Variants in NCALD observed in about 807,000 individuals in gnomAD.
NCALD encodes neurocalcin delta, also known as neurocalcin-delta.
In NCALD, 10 loss-of-function variants were observed where a neutral mutation model predicts 18.6. That is an observed-to-expected ratio of 0.54 (90% CI 0.33 to 0.91). The LOEUF (loss-of-function observed/expected upper bound fraction) is 0.91. NCALD is among the 40% of genes least tolerant of loss of function. NCALD has a pLI of 0.03. For missense variants in NCALD, 184 were observed against 247.6 expected, an observed-to-expected ratio of 0.74 and a Z score of 1.72; for synonymous variants, 88 against 87.4, an observed-to-expected ratio of 1.01 and a Z score of -0.04.
At chr8:101,695,462 T>C (rs1255485588) in intron 2 of NCALD, among the ~76,000 whole-genome samples, 2 of 152,168 alleles carry the variant, frequency 1.3e-5, no homozygotes, top group Admixed American at 6.5e-5. Context: ...CCACAAAGGC[T>C]GTTGTCAAGA....
intron 4 of NCALD, among the ~76,000 whole-genome samples, chr8:101,846,555 G>A (rs970437044): frequency 6.6e-6 from 1 of 152,078 alleles, no homozygotes; most frequent in African/African-American, 2.4e-5. Flanking sequence ...AGCTCTATTT[G>A]GGTGAACTTA....
At chr8:101,990,498 G>C (rs889649461) in intron 2 of NCALD, among the ~76,000 whole-genome samples, 2 of 152,204 alleles carry the variant, frequency 1.3e-5, no homozygotes, top group African/African-American at 4.8e-5. Context: ...CTCATGTGTT[G>C]TCGGGGGGAC....
chr8:101,785,253 C>T (rs1392989869), intron 1 of NCALD, among the ~76,000 whole-genome samples: 1 of 152,158 alleles, frequency 6.6e-6, no homozygotes, highest in Non-Finnish European at 1.5e-5. Flanking sequence ...CCAATTCTGA[C>T]GGATTCTTCC....
chr8:101,913,285 A>G (rs1323545187), intron 3 of NCALD, among the ~76,000 whole-genome samples: 1 of 152,160 alleles, frequency 6.6e-6, no homozygotes, highest in African/African-American at 2.4e-5. Context: ...AATAACAGCC[A>G]TTCTTGAAAA....
chr8:101,695,007 C>T (rs576764777), intron 2 of NCALD, among the ~76,000 whole-genome samples: 7 of 152,248 alleles, frequency 4.6e-5, no homozygotes, highest in Non-Finnish European at 7.4e-5. Flanking sequence ...GGAAGCTTTT[C>T]GTAACTCTTG....
intron 1 of NCALD, among the ~76,000 whole-genome samples, chr8:101,737,529 T>A (rs1809981040): frequency 6.6e-6 from 1 of 152,204 alleles, no homozygotes; most frequent in African/African-American, 2.4e-5. Context: ...CACCCCAACC[T>A]GATTGGAGTC....
intron 1 of NCALD, among the ~76,000 whole-genome samples, chr8:102,085,460 A>G (rs2132350382): frequency 6.6e-6 from 1 of 152,290 alleles, no homozygotes; most frequent in East Asian, 1.9e-4. Context: ...TACCTTTAGA[A>G]GTATCTAGTG....
At chr8:101,872,923 A>C (rs1327905807) in intron 4 of NCALD, among the ~76,000 whole-genome samples, 1 of 152,190 alleles carries the variant, frequency 6.6e-6, no homozygotes, top group Non-Finnish European at 1.5e-5. Context: ...CATATGAGAG[A>C]GAGACTCCGA....
rs1213778570 is a variant in NCALD, at chr8:101,888,647, C to T, written c.-106-1420G>A. On this transcript the variant is annotated intron_variant, in intron 3 of 6. Transcript: ENST00000311028. The stretch of plus-strand genomic sequence containing the variant: ...GCCCAGGCTGGTCTCAAACTCCAGG[C>T]CTCAAGTGATCCTACCACTTCAGTG... Among the ~76,000 whole-genome samples the T allele has an allele frequency of 5.3e-5, 8 of 152,006 alleles. No homozygotes were observed. In the East Asian group the frequency reaches 1.2e-3, roughly 22 times the overall value.
At chr8:101,940,603 C>G (rs373287650) in intron 2 of NCALD, among the ~76,000 whole-genome samples, 5 of 152,210 alleles carry the variant, frequency 3.3e-5, no homozygotes, top group South Asian at 4.1e-4. Context: ...GCAGCTGGCA[C>G]AGCAGGTTTT....
rs369444826 is a variant in NCALD at position 101,973,481 on chromosome 8, C to T, written c.-157+46756G>A. On this transcript the variant is annotated intron_variant, in intron 2 of 6. Transcript: ENST00000311028. ...TCATGTCATATCAAAGGTGCATATT[C>T]CCCAGGATAATTTTTAAAAGAAAAC... Among the ~76,000 whole-genome samples the T allele has an allele frequency of 6.6e-5, 10 of 152,238 alleles. No individual in the cohort carries two copies. The South Asian group carries it at 1.0e-3, about 16-fold the overall frequency.
chr8:101,717,601 T>C (rs773024361), intron 2 of NCALD, among the ~76,000 whole-genome samples: 7 of 152,174 alleles, frequency 4.6e-5, no homozygotes, highest in Admixed American at 2.0e-4. Flanking sequence ...TTCTAAGAGA[T>C]ATTTAGAAAG....
At chr8:101,902,575 G>A (rs1234243359) in intron 3 of NCALD, among the ~76,000 whole-genome samples, 3 of 152,130 alleles carry the variant, frequency 2.0e-5, no homozygotes, top group Non-Finnish European at 4.4e-5. Context: ...TGACTGGACC[G>A]ACAGCCAAGG....
intron 2 of NCALD, among the ~76,000 whole-genome samples, chr8:101,711,212 A>G (rs779830759): frequency 1.3e-5 from 2 of 152,192 alleles, no homozygotes; most frequent in African/African-American, 4.8e-5. Context: ...ACAGAAAGCA[A>G]TAGCATCAAC....
At chr8:101,741,915 C>A (rs1810205371) in intron 1 of NCALD, among the ~76,000 whole-genome samples, 3 of 94,250 alleles carry the variant, frequency 3.2e-5, no homozygotes, top group Admixed American at 1.5e-4. Flanking sequence ...CCAGCCTTGG[C>A]AATACAGCGA....
At chr8:101,739,469 T>C (rs534237565) in intron 1 of NCALD, among the ~76,000 whole-genome samples, 50 of 152,320 alleles carry the variant, frequency 3.3e-4, no homozygotes, top group African/African-American at 1.2e-3. Context: ...CCTGTAATGG[T>C]GTTACTAAAG....
At chr8:102,057,572 T>G (rs1007833805) in intron 1 of NCALD, among the ~76,000 whole-genome samples, 3 of 152,236 alleles carry the variant, frequency 2.0e-5, no homozygotes, top group African/African-American at 7.2e-5. Context: ...CTGTTTCATT[T>G]TACATTTCCA....
At position 101,910,966 on chromosome 8, in the gene NCALD, T is replaced by C. The variant is rs188462940; in HGVS notation, c.-107+4843A>G. On this transcript the variant is annotated intron_variant, in intron 3 of 6. Transcript: ENST00000311028. ...AAATGCACTTGCTCTGAGCTTTCAC[T>C]GAATGCCTCCTTCACAAACAGGAAA... Among the ~76,000 whole-genome samples the C allele has an allele frequency of 3.2e-3, 485 of 152,296 alleles. 2 individuals carry two copies. Among genetic ancestry groups the C allele is most frequent in the Non-Finnish European group, 5.8e-3 (395 of 68,022 alleles).
intron 3 of NCALD, chr8:101,690,972 A>G (rs1814700872): frequency 1.0e-6 from 1 of 985,346 alleles, no homozygotes; most frequent in South Asian, 4.7e-5. Flanking sequence ...CATGATTCAG[A>G]GTTGGCTCCT....
Sources: allele counts gnomAD v4.1 joint callset (sites outside exome capture counted in the v4.1 genomes callset), GRCh38; gene constraint gnomAD v4.1.1; transcripts MANE v1.5; gene names NCBI Gene and HGNC (gene_info 2026-07-23, HGNC 2026-07-21).